POLR3E: variants seen among roughly 807,000 people sequenced by gnomAD.
The protein encoded by POLR3E is RNA polymerase III subunit E.
POLR3E carries 41 observed loss-of-function variants against 96.6 expected under a neutral mutation model. The ratio of observed to expected loss-of-function variants is 0.42; its 90% CI spans 0.33 to 0.55. The LOEUF (loss-of-function observed/expected upper bound fraction) is 0.55. Ranked by LOEUF, POLR3E falls within the 20% of genes least tolerant of loss-of-function variation. The pLI is 0.06. For synonymous variants in POLR3E, 396 were observed against 383.6 expected, an observed-to-expected ratio of 1.03 and a Z score of -0.38; for missense variants, 849 against 952.1, an observed-to-expected ratio of 0.89 and a Z score of 1.43.
chr16:22,328,800 A>G (rs537464884), intron 19 of POLR3E: 1 of 539,704 alleles, frequency 1.9e-6, no homozygotes, highest in Non-Finnish European at 3.4e-6. Flanking sequence ...CCCAGATGCC[A>G]GTCTGTGAGC....
At chr16:22,305,865 C>A (rs1454266512) in intron 3 of POLR3E, among the ~76,000 whole-genome samples, 1 of 152,158 alleles carries the variant, frequency 6.6e-6, no homozygotes, top group African/African-American at 2.4e-5. Context: ...CACAATAACC[C>A]TATGGTGGTG....
chr16:22,331,930 G>A (rs2048749180), intron 19 of POLR3E, 130 bp from the exon 20 acceptor site: 1 of 849,158 alleles, frequency 1.2e-6, no homozygotes, highest in African/African-American at 1.7e-5. Flanking sequence ...TCTTTAACCA[G>A]AGGTGCTGCG....
intron 6 of POLR3E, among the ~76,000 whole-genome samples, chr16:22,311,214 C>T (rs2048238378): frequency 6.6e-6 from 1 of 150,494 alleles, no homozygotes; most frequent in South Asian, 2.1e-4. Context: ...GGTGATCCAC[C>T]AGCCTTGGCC....
rs12598521 is a variant in POLR3E, at chr16:22,313,186, G to A, written c.365-434G>A. On this transcript the variant is annotated intron_variant, in intron 6 of 20. Coordinates refer to ENST00000299853, the MANE Select transcript of POLR3E (RefSeq NM_018119.4). This position sits in a 1 kb window ranked among gnomAD's most constrained non-coding sequence, Gnocchi z 4.1. The stretch of plus-strand genomic sequence containing the variant: ...CTAGTGGAACGGGTGGGATTTTGGC[G>A]GGAAAAGATGGAGGATAAGAAGGAG... Among the ~76,000 whole-genome samples, 5,857 of 152,204 alleles carry A rather than the reference G, an allele frequency of 0.038. 234 individuals are homozygous for A. The highest frequency in any genetic ancestry group is 0.12 in the East Asian group (637 of 5,172).
rs1256493202 is a variant in POLR3E, at chr16:22,324,512, G to A, written c.1138G>A (p.Glu380Lys). The A allele has an allele frequency of 2.5e-6, 4 of 1,611,946 alleles. No individual in the cohort carries two copies. Among genetic ancestry groups the A allele is most frequent in the Non-Finnish European group, 3.4e-6 (4 of 1,179,088 alleles). ...EVATVTKLCAEDVKDFLEHMA... is the reference protein window; with the variant it reads ...EVATVTKLCAKDVKDFLEHMA... ...GCCCCCTCCCCTCCAGCTCTGCGCC[G>A]AGGATGTGAAGGACTTCCTGGAGCA... Residue 380 changes from glutamate to lysine, a missense_variant, in exon 16 of 21, where the codon GAG becomes AAG. Coordinates refer to ENST00000299853, the MANE Select transcript of POLR3E (RefSeq NM_018119.4).
chr16:22,328,819 T>A (rs759709569), intron 19 of POLR3E: 13 of 497,910 alleles, frequency 2.6e-5, no homozygotes, highest in African/African-American at 5.9e-5. Context: ...GCCAGCTCCA[T>A]CAGAATCATC....
chr16:22,318,459 AGG>A lies in POLR3E; in HGVS notation c.866-365_866-364del, dbSNP rs1158903388. Among the ~76,000 whole-genome samples the A allele has an allele frequency of 2.0e-5, 3 of 152,260 alleles. No homozygotes were observed. Among genetic ancestry groups the A allele is most frequent in the African/African-American group, 7.2e-5 (3 of 41,562 alleles). ...GGGCGGGAGCAGAGCACAGTGATTGAGGGTACCAAGTGGAGCCAAGTGGCTTG... is the reference window on the plus strand; with the variant it reads ...GGGCGGGAGCAGAGCACAGTGATTGAGTACCAAGTGGAGCCAAGTGGCTTG... On this transcript the variant is annotated intron_variant, in intron 12 of 20. Coordinates refer to ENST00000299853, the MANE Select transcript of POLR3E (RefSeq NM_018119.4). The surrounding 1 kb of genome is among the most constrained non-coding windows in gnomAD (Gnocchi z 5.0).
intron 9 of POLR3E, among the ~76,000 whole-genome samples, chr16:22,315,529 A>G (rs1335208539): frequency 6.6e-6 from 1 of 152,186 alleles, no homozygotes. Flanking sequence ...AACGCAGGCC[A>G]GATGCATTCT....
At chr16:22,305,276 G>C (rs1027895026) in intron 3 of POLR3E, 70 bp downstream of exon 3, 6 of 1,142,726 alleles carry the variant, frequency 5.3e-6, no homozygotes, top group Non-Finnish European at 6.7e-6. Context: ...TCAGGAACAC[G>C]GGCAGGAAAC....
At chr16:22,327,647 C>T (rs2048630319) in intron 18 of POLR3E, 1 of 152,232 alleles carries the variant, frequency 6.6e-6, no homozygotes, top group South Asian at 2.1e-4. Context: ...TAAGAGACCT[C>T]CGATCCCAGC....
At chr16:22,301,379 C>T (rs868486272) in intron 1 of POLR3E, among the ~76,000 whole-genome samples, 7 of 151,814 alleles carry the variant, frequency 4.6e-5, no homozygotes, top group Non-Finnish European at 7.4e-5. Context: ...GCCAGGAGTT[C>T]GAGACCAGCC....
intron 20 of POLR3E, among the ~76,000 whole-genome samples, chr16:22,333,226 G>A (rs1160087811): frequency 6.6e-6 from 1 of 150,974 alleles, no homozygotes; most frequent in Non-Finnish European, 1.5e-5. Context: ...GCTGAGGTGG[G>A]TGGGTCACTT....
chr16:22,301,116 C>G (rs2048010934), intron 1 of POLR3E, among the ~76,000 whole-genome samples: 1 of 139,248 alleles, frequency 7.2e-6, no homozygotes, highest in Non-Finnish European at 1.5e-5. Context: ...GACATTTGAG[C>G]AAAAACCGGA....
In POLR3E at chr16:22,316,691, G is replaced by A; in HGVS notation, c.728+5G>A. On this transcript the variant is annotated splice_donor_5th_base_variant and intron_variant, in intron 10 of 20. Coordinates refer to ENST00000299853, the MANE Select transcript of POLR3E (RefSeq NM_018119.4). The stretch of plus-strand genomic sequence containing the variant: ...GGAGCTCGTCAAGTCACCCAGGTGG[G>A]ATGGGCTGGGCCAGCATGCAAACTG... 1 of 1,612,116 alleles carries A rather than the reference G, an allele frequency of 6.2e-7. No homozygotes were observed. Among genetic ancestry groups the A allele is most frequent in the Non-Finnish European group, 8.5e-7 (1 of 1,178,212 alleles).
At position 22,330,408 on chromosome 16, in the gene POLR3E, C is replaced by T. The variant is rs1598279094; in HGVS notation, c.1945-1652C>T. On this transcript the variant is annotated intron_variant, in intron 19 of 20. Coordinates refer to ENST00000299853, the MANE Select transcript of POLR3E (RefSeq NM_018119.4). ...CCTTTACCTCTTTTTAATTGGCTAT[C>T]ATTGTTTATAGCATTGTCACAGAAT... 2.0e-5 allele frequency among the ~76,000 whole-genome samples: 3 copies of T among 152,286 alleles called. No homozygotes were observed. The South Asian group carries it at 6.2e-4, about 32-fold the overall frequency.
In POLR3E at chr16:22,325,753, C is replaced by A; in HGVS notation, c.1349-8C>A. 6.5e-7 allele frequency: 1 copy of A among 1,546,786 alleles called. No homozygotes were observed. Among genetic ancestry groups the A allele is most frequent in the Non-Finnish European group, 8.7e-7 (1 of 1,149,088 alleles). On this transcript the variant is annotated splice_polypyrimidine_tract_variant and splice_region_variant and intron_variant, in intron 17 of 20. Coordinates refer to ENST00000299853, the MANE Select transcript of POLR3E (RefSeq NM_018119.4). The stretch of plus-strand genomic sequence containing the variant: ...CCCTCCTGAGCAGTGCTGCCTCCCT[C>A]CCCGCAGGGCCTGCCGGGCTGGTCT...
At chr16:22,326,414 C>A in intron 18 of POLR3E, 136 bp downstream of exon 18, 1 of 742,352 alleles carries the variant, frequency 1.3e-6, no homozygotes, top group Non-Finnish European at 2.3e-6. Flanking sequence ...GTGACATGGG[C>A]AAGTCAGCCT....
In POLR3E at chr16:22,319,123, C is replaced by T. The variant is rs559446107; in HGVS notation, c.986+177C>T. On this transcript the variant is annotated intron_variant, in intron 13 of 20. Coordinates refer to ENST00000299853, the MANE Select transcript of POLR3E (RefSeq NM_018119.4). ...CTGAGTAGCTGGGATTATAGGTGCC[C>T]GCCACCATGCCCAGCTAATCTTTGT... Among the ~76,000 whole-genome samples the T allele has an allele frequency of 1.4e-4, 21 of 151,954 alleles. No individual in the cohort carries two copies. The East Asian group carries it at 1.8e-3, about 13-fold the overall frequency.
At chr16:22,305,856 A>C (rs573110147) in intron 3 of POLR3E, among the ~76,000 whole-genome samples, 1 of 152,270 alleles carries the variant, frequency 6.6e-6, no homozygotes, top group Non-Finnish European at 1.5e-5. Context: ...CTTTAACCCC[A>C]CAATAACCCT....
Sources: allele counts gnomAD v4.1 joint callset (sites outside exome capture counted in the v4.1 genomes callset), GRCh38; gene constraint gnomAD v4.1.1; non-coding constraint Gnocchi (gnomAD v3.1); transcripts MANE v1.5; gene names NCBI Gene and HGNC (gene_info 2026-07-23, HGNC 2026-07-21).